Variants in SCAPER observed in about 807,000 individuals in gnomAD.
The protein encoded by SCAPER is S-phase cyclin A associated protein in the ER.
A neutral mutation model predicts 182.2 loss-of-function variants in SCAPER; 98 were observed. That is an observed-to-expected ratio of 0.54 (90% CI 0.46 to 0.64). The LOEUF (loss-of-function observed/expected upper bound fraction) is 0.64, where lower values mean the gene tolerates loss of function less well. Among genes scored for constraint, SCAPER ranks in the 30% least tolerant of loss-of-function variants. SCAPER has a pLI of 0.00. For synonymous variants in SCAPER, 605 were observed against 564.6 expected (o/e 1.07, Z -1.01); for missense variants, 1,432 against 1,690.0 (o/e 0.85, Z 2.68).
chr15:76,543,519 A>G (rs1157054847), intron 23 of SCAPER, among the ~76,000 whole-genome samples: 2 of 152,166 alleles, frequency 1.3e-5, no homozygotes, highest in Non-Finnish European at 2.9e-5. Flanking sequence ...TGTGGACAGA[A>G]GCTGCATGTT....
At chr15:76,357,771 A>G (rs1046781099) in intron 29 of SCAPER, among the ~76,000 whole-genome samples, 3 of 152,238 alleles carry the variant, frequency 2.0e-5, no homozygotes, top group African/African-American at 7.2e-5. Flanking sequence ...TCAGCCATAA[A>G]AAAAATGAAA....
chr15:76,762,116 T>C (rs986679002), intron 14 of SCAPER, among the ~76,000 whole-genome samples: 2 of 152,196 alleles, frequency 1.3e-5, no homozygotes, highest in African/African-American at 4.8e-5. Context: ...TGGTTACAAT[T>C]TACATGGAAT....
At chr15:76,652,273 AATATATAT>A (rs1172636102) in intron 21 of SCAPER, among the ~76,000 whole-genome samples, 187 of 12,768 alleles carry the variant, frequency 0.015, 8 homozygotes, top group Non-Finnish European at 0.017. Flanking sequence ...AAAAAAAAAA[AATATATAT>A]ATATATATAT....
chr15:76,521,430 C>T (rs2042827550), intron 23 of SCAPER, among the ~76,000 whole-genome samples: 1 of 151,640 alleles, frequency 6.6e-6, no homozygotes. Flanking sequence ...CGACTGTAAT[C>T]CCAGCACTTT....
At chr15:76,697,747 C>A (rs2147209797) in intron 20 of SCAPER, among the ~76,000 whole-genome samples, 1 of 152,266 alleles carries the variant, frequency 6.6e-6, no homozygotes, top group Middle Eastern at 3.4e-3. Context: ...TCAAGCAATT[C>A]TCCTGCCTCA....
intron 4 of SCAPER, among the ~76,000 whole-genome samples, chr15:76,845,696 G>T (rs951116851): frequency 6.6e-6 from 1 of 151,912 alleles, no homozygotes; most frequent in Non-Finnish European, 1.5e-5. Context: ...AATTGAAGAA[G>T]ACACCAAAAA....
At chr15:76,765,166 C>T (rs1752297330) in intron 13 of SCAPER, 94 bp from the exon 14 acceptor site, 4 of 1,104,784 alleles carry the variant, frequency 3.6e-6, no homozygotes, top group South Asian at 1.6e-5. Context: ...TTAAAGTATA[C>T]AAAACTAATT....
intron 22 of SCAPER, among the ~76,000 whole-genome samples, chr15:76,593,146 C>T (rs2049249760): frequency 8.2e-6 from 1 of 121,400 alleles, no homozygotes; most frequent in African/African-American, 2.5e-5. Flanking sequence ...GGAGGGGTGC[C>T]TGCCATTACT....
chr15:76,459,377 TATATATTCTA>T (rs2048979935), intron 25 of SCAPER, among the ~76,000 whole-genome samples: 1 of 152,198 alleles, frequency 6.6e-6, no homozygotes, highest in Non-Finnish European at 1.5e-5. Context: ...ACATATTCTG[TATATATTCTA>T]ACTGGAGTAA....
At chr15:76,678,807 C>G (rs578069080) in intron 20 of SCAPER, among the ~76,000 whole-genome samples, 2 of 152,084 alleles carry the variant, frequency 1.3e-5, no homozygotes, top group Admixed American at 6.5e-5. Flanking sequence ...CCCATAGATA[C>G]AGCATACTGA....
chr15:76,711,818 T>C (rs976520214), intron 17 of SCAPER, among the ~76,000 whole-genome samples: 5 of 152,164 alleles, frequency 3.3e-5, no homozygotes, highest in Admixed American at 1.3e-4. Flanking sequence ...TTTGAGTTCA[T>C]TGTAGATTCT....
At chr15:76,696,484 T>C (rs1235603534) in intron 20 of SCAPER, among the ~76,000 whole-genome samples, 6 of 152,214 alleles carry the variant, frequency 3.9e-5, no homozygotes, top group Admixed American at 3.9e-4. Flanking sequence ...ATTAACTATT[T>C]TTTTTTCTAT....
intron 24 of SCAPER, among the ~76,000 whole-genome samples, chr15:76,477,927 G>A (rs915107499): frequency 1.3e-5 from 2 of 150,646 alleles, no homozygotes; most frequent in African/African-American, 4.9e-5. Flanking sequence ...CCAGTTTATT[G>A]CTATCTTAAT....
intron 21 of SCAPER, among the ~76,000 whole-genome samples, chr15:76,628,399 A>G (rs928132892): frequency 2.0e-5 from 3 of 152,056 alleles, no homozygotes; most frequent in East Asian, 1.9e-4. Context: ...TCCAGTTTTT[A>G]TAGTTTTGGG....
intron 5 of SCAPER, among the ~76,000 whole-genome samples, chr15:76,825,420 G>T (rs146177288): frequency 5.8e-4 from 89 of 152,250 alleles, no homozygotes; most frequent in African/African-American, 2.1e-3. Context: ...GCCGTATCAA[G>T]TATAATAACT....
intron 4 of SCAPER, among the ~76,000 whole-genome samples, chr15:76,855,604 T>C (rs180725331): frequency 2.0e-5 from 3 of 151,788 alleles, no homozygotes; most frequent in Admixed American, 1.3e-4. Context: ...CATTAAAAAG[T>C]AGGCAAAGAA....
At chr15:76,483,818 G>A (rs552175834) in intron 24 of SCAPER, among the ~76,000 whole-genome samples, 5 of 152,192 alleles carry the variant, frequency 3.3e-5, no homozygotes, top group African/African-American at 4.8e-5. Context: ...TATTAGGATG[G>A]CTAAAATCCA....
chr15:76,822,987 TATAAAG>T (rs1379396247), intron 5 of SCAPER, among the ~76,000 whole-genome samples: 2 of 152,220 alleles, frequency 1.3e-5, no homozygotes, highest in Non-Finnish European at 2.9e-5. Context: ...CTCACCTTAC[TATAAAG>T]ATAACTTCCC....
At chr15:76,827,687 G>C (rs968104356) in intron 5 of SCAPER, among the ~76,000 whole-genome samples, 6 of 152,112 alleles carry the variant, frequency 3.9e-5, no homozygotes, top group Non-Finnish European at 7.4e-5. Context: ...AAATGCAAAA[G>C]ATGAATGGAT....
Sources: gnomAD v4.1 joint callset for allele counts (sites outside exome capture counted in the v4.1 genomes callset) on GRCh38, gnomAD v4.1.1 for gene constraint, MANE v1.5 for transcripts, NCBI Gene and HGNC (gene_info 2026-07-23, HGNC 2026-07-21) for gene names.